The following COG5 variants were observed in gnomAD, a reference collection of about 807,000 sequenced individuals.
COG5 encodes conserved oligomeric Golgi complex subunit 5.
Under a neutral mutation model 110.4 loss-of-function variants are expected in COG5, and 86 were observed. The observed-to-expected ratio is 0.78, with a 90% CI of 0.65 to 0.93. The LOEUF is 0.93. COG5 is among the 40% of genes least tolerant of loss of function. The pLI is 0.00. For synonymous variants in COG5, 360 were observed against 334.6 expected (o/e 1.08, Z -0.83); for missense variants, 1,077 against 987.0 (o/e 1.09, Z -1.22).
intron 14 of COG5, among the ~76,000 whole-genome samples, chr7:107,259,108 G>A (rs1803114536): frequency 6.6e-6 from 1 of 151,666 alleles, no homozygotes; most frequent in Admixed American, 6.6e-5. Context: ...ATGCTTTATT[G>A]AGTTAATCTC....
chr7:107,283,982 C>T (rs918448715), intron 12 of COG5, among the ~76,000 whole-genome samples: 4 of 145,688 alleles, frequency 2.7e-5, no homozygotes, highest in African/African-American at 9.9e-5. Flanking sequence ...TGGAGTGCAA[C>T]GGCGCAATCT....
chr7:107,346,414 A>G (rs1811603111), intron 10 of COG5, among the ~76,000 whole-genome samples: 1 of 151,764 alleles, frequency 6.6e-6, no homozygotes, highest in Non-Finnish European at 1.5e-5. Context: ...AGGCAAGGAT[A>G]GGTCACTTTG....
rs1244392539 is a variant in COG5, at chr7:107,474,959, G to A, written c.538+52278C>T. Reference sequence around the variant, plus strand: ...ATTGCCCTCCGGCGAGCTGTGAAACGACACCGTGAACGACGAGAAAGACAA... The same window carrying A: ...ATTGCCCTCCGGCGAGCTGTGAAACAACACCGTGAACGACGAGAAAGACAA... On this transcript the variant is annotated intron_variant, in intron 6 of 21. Transcript: ENST00000297135. This position sits in a 1 kb window ranked among gnomAD's most constrained non-coding sequence, Gnocchi z 5.7. 5.0e-6 allele frequency: 8 copies of A among 1,612,202 alleles called. No homozygotes were observed. The highest frequency in any genetic ancestry group is 1.3e-5 in the African/African-American group (1 of 74,834).
chr7:107,286,948 C>T lies in COG5; in HGVS notation c.1314-3216G>A, dbSNP rs143949466. Among the ~76,000 whole-genome samples the T allele has an allele frequency of 2.7e-3, 415 of 152,148 alleles. 1 individual carries two copies. Among genetic ancestry groups the T allele is most frequent in the African/African-American group, 9.4e-3 (391 of 41,492 alleles). ...AAAAAAATAAAGGAAAAAGATATGT[C>T]AGCATAAAAAATATAAAGACATATC... is the stretch of plus-strand genomic sequence containing the variant. On this transcript the variant is annotated intron_variant, in intron 12 of 21. Coordinates refer to ENST00000297135, the MANE Select transcript of COG5 (RefSeq NM_006348.5).
intron 11 of COG5, among the ~76,000 whole-genome samples, chr7:107,298,803 A>G (rs1183096232): frequency 3.3e-5 from 5 of 152,188 alleles, no homozygotes; most frequent in African/African-American, 9.6e-5. Flanking sequence ...ACCGGTCTCA[A>G]TACATTGAAA....
At chr7:107,560,725 T>C (rs1178433023) in intron 1 of COG5, among the ~76,000 whole-genome samples, 1 of 152,206 alleles carries the variant, frequency 6.6e-6, no homozygotes. Context: ...TATTTGTTCA[T>C]ATGTAGGTTT....
At chr7:107,306,520 T>C (rs1396994910) in intron 11 of COG5, among the ~76,000 whole-genome samples, 4 of 152,330 alleles carry the variant, frequency 2.6e-5, no homozygotes, top group South Asian at 2.1e-4. Flanking sequence ...GCAAGTCTTA[T>C]ATACAAAATA....
intron 5 of COG5, among the ~76,000 whole-genome samples, chr7:107,533,978 C>T (rs1318645745): frequency 1.3e-5 from 2 of 151,682 alleles, no homozygotes; most frequent in Non-Finnish European, 2.9e-5. Context: ...TCTGTAGAAA[C>T]CCTACAAGCC....
intron 3 of COG5, among the ~76,000 whole-genome samples, chr7:107,552,108 C>T (rs2129175744): frequency 6.6e-6 from 1 of 152,250 alleles, no homozygotes; most frequent in African/African-American, 2.4e-5. Flanking sequence ...TAAACTAAAA[C>T]ACATATTTAA....
intron 14 of COG5, 105 bp from the exon 15 acceptor site, chr7:107,258,488 AC>A (rs1197531210): frequency 2.6e-6 from 2 of 766,486 alleles, no homozygotes; most frequent in African/African-American, 3.4e-5. Flanking sequence ...ACATTCTTTA[AC>A]CGGGGAGAAG....
chr7:107,318,759 C>A (rs1320376970), intron 11 of COG5, among the ~76,000 whole-genome samples: 3 of 152,102 alleles, frequency 2.0e-5, no homozygotes, highest in Admixed American at 2.0e-4. Context: ...AGATCAGGGC[C>A]CACCCTTGTG....
At chr7:107,371,675 A>G (rs1437569304) in intron 8 of COG5, among the ~76,000 whole-genome samples, 1 of 152,216 alleles carries the variant, frequency 6.6e-6, no homozygotes, top group African/African-American at 2.4e-5. Context: ...AGAGCTGAAG[A>G]AAGAAATTAA....
chr7:107,405,445 G>A (rs189990693), intron 7 of COG5, among the ~76,000 whole-genome samples: 51 of 152,256 alleles, frequency 3.3e-4, no homozygotes, highest in African/African-American at 1.2e-3. Flanking sequence ...TGCTTCCCAA[G>A]AAGCTTTATC....
intron 20 of COG5, 96 bp downstream of exon 20, chr7:107,211,003 C>T: frequency 7.1e-7 from 1 of 1,398,726 alleles, no homozygotes; most frequent in Non-Finnish European, 1.0e-6. Context: ...AACAAAGCAG[C>T]AGAGGGCCAG....
At chr7:107,220,399 G>A (rs1202595600) in intron 19 of COG5, among the ~76,000 whole-genome samples, 1 of 152,066 alleles carries the variant, frequency 6.6e-6, no homozygotes, top group Non-Finnish European at 1.5e-5. Context: ...AATCTCTTTC[G>A]GAATTATTTT....
intron 16 of COG5, among the ~76,000 whole-genome samples, chr7:107,255,954 G>A (rs1238971261): frequency 6.6e-6 from 1 of 152,088 alleles, no homozygotes; most frequent in Non-Finnish European, 1.5e-5. Flanking sequence ...ATGACCTTGA[G>A]CAAGATATTA....
chr7:107,313,585 G>C (rs1178761254), intron 11 of COG5, among the ~76,000 whole-genome samples: 1 of 152,130 alleles, frequency 6.6e-6, no homozygotes, highest in Admixed American at 6.6e-5. Context: ...TCTTTCTGGA[G>C]GTTCTAGGGG....
intron 16 of COG5, among the ~76,000 whole-genome samples, chr7:107,255,206 T>C (rs536646158): frequency 5.3e-5 from 8 of 152,320 alleles, no homozygotes; most frequent in African/African-American, 9.6e-5. Flanking sequence ...GTTAAGACTT[T>C]AAGATTTGTC....
rs1803634112 is a variant in COG5 at position 107,559,848 on chromosome 7, A to C, written c.95-1733T>G. Among the ~76,000 whole-genome samples the C allele has an allele frequency of 2.6e-5, 4 of 152,354 alleles. No homozygotes were observed. In the South Asian group the frequency reaches 8.3e-4, roughly 32 times the overall value. ...ATTTTGAGAAACAAGGGGAATACTG[A>C]TTTCAGTGTGTCTAAATCATAGCAC... On this transcript the variant is annotated intron_variant, in intron 1 of 21. Coordinates refer to ENST00000297135, the MANE Select transcript of COG5 (RefSeq NM_006348.5).
Sources: gnomAD v4.1 joint callset for allele counts (sites outside exome capture counted in the v4.1 genomes callset) on GRCh38, gnomAD v4.1.1 for gene constraint, Gnocchi (gnomAD v3.1) non-coding constraint, MANE v1.5 for transcripts, NCBI Gene and HGNC (gene_info 2026-07-23, HGNC 2026-07-21) for gene names.